BICD1: variants seen among roughly 807,000 people sequenced by gnomAD.
The protein encoded by BICD1 is protein bicaudal D homolog 1.
Under a neutral mutation model 92.5 loss-of-function variants are expected in BICD1, and 35 were observed. The ratio of observed to expected loss-of-function variants is 0.38; its 90% CI spans 0.29 to 0.50. BICD1 has a LOEUF of 0.50. Ranked by LOEUF, BICD1 falls within the 20% of genes least tolerant of loss-of-function variation. The probability of loss-of-function intolerance (pLI) is 0.93; values close to 1 mark genes in which losing one functional copy is unlikely to be tolerated. For missense variants in BICD1, 950 were observed against 1,189.8 expected, an observed-to-expected ratio of 0.80 and a Z score of 2.97; for synonymous variants, 429 against 465.1, an observed-to-expected ratio of 0.92 and a Z score of 1.00.
intron 1 of BICD1, among the ~76,000 whole-genome samples, chr12:32,198,546 C>CTTTTTTTTTTTTTTTTTTTTTTTTTT (rs113075749): frequency 7.4e-6 from 1 of 134,508 alleles, no homozygotes; most frequent in Non-Finnish European, 1.6e-5. Context: ...TATCCCCACT[C>CTTTTTTTTTTTTTTTTTTTTTTTTTT]TTTTTTTTTT....
intron 4 of BICD1, among the ~76,000 whole-genome samples, chr12:32,308,373 A>G (rs1481795683): frequency 6.6e-6 from 1 of 152,216 alleles, no homozygotes; most frequent in Admixed American, 6.5e-5. Flanking sequence ...GTTGACAGTC[A>G]TTCTTAGAGG....
chr12:32,221,454 C>T (rs572838774), intron 2 of BICD1, among the ~76,000 whole-genome samples: 8 of 151,648 alleles, frequency 5.3e-5, no homozygotes, highest in African/African-American at 7.2e-5. Flanking sequence ...GAGGCCGAGG[C>T]GGCTGGATCA....
intron 3 of BICD1, among the ~76,000 whole-genome samples, chr12:32,300,106 AT>A (rs1266258441): frequency 8.9e-4 from 128 of 144,098 alleles, no homozygotes; most frequent in South Asian, 8.8e-4. Context: ...AGGACATACT[AT>A]TTTTTTTTTT....
chr12:32,216,196 G>A (rs762709639), intron 1 of BICD1, 51 bp from the exon 2 acceptor site: 4 of 1,568,466 alleles, frequency 2.6e-6, no homozygotes, highest in African/African-American at 2.7e-5. Flanking sequence ...CTTAAAAGAG[G>A]GTTATGATGC....
At chr12:32,353,169 T>G (rs1938959402) in intron 8 of BICD1, 1 of 152,244 alleles carries the variant, frequency 6.6e-6, no homozygotes, top group Non-Finnish European at 1.5e-5. Context: ...GTAGCTTTGC[T>G]TCAATTAAAT....
intron 1 of BICD1, among the ~76,000 whole-genome samples, chr12:32,116,574 C>T (rs1941924449): frequency 6.6e-6 from 1 of 150,928 alleles, no homozygotes; most frequent in African/African-American, 2.4e-5. Context: ...GACTGAAGTA[C>T]AGTGGTGCGA....
intron 6 of BICD1, 69 bp downstream of exon 6, chr12:32,334,736 C>A: frequency 6.6e-7 from 1 of 1,517,008 alleles, no homozygotes; most frequent in Non-Finnish European, 8.8e-7. Flanking sequence ...CACAGCCCTG[C>A]CTTTGTGCAT....
chr12:32,338,638 T>TA (rs5797471), intron 7 of BICD1, 148 bp from the exon 8 acceptor site: 49,992 of 572,714 alleles, frequency 0.087, 689 homozygotes, highest in African/African-American at 0.16. Flanking sequence ...ATGTGGAAAC[T>TA]AAAAAAAAAA....
chr12:32,108,713 T>A (rs1565518986), intron 1 of BICD1: 3 of 685,504 alleles, frequency 4.4e-6, no homozygotes, highest in Non-Finnish European at 8.0e-6. Context: ...ATGGTAAGCA[T>A]TTATACTTTT....
chr12:32,366,425 G>T (rs1939526773), intron 8 of BICD1, among the ~76,000 whole-genome samples: 1 of 152,196 alleles, frequency 6.6e-6, no homozygotes, highest in Non-Finnish European at 1.5e-5. Context: ...TTCAAGACCA[G>T]CCTGACCAAT....
At chr12:32,320,718 CAAT>C (rs1417303716) in intron 4 of BICD1, among the ~76,000 whole-genome samples, 1 of 152,000 alleles carries the variant, frequency 6.6e-6, no homozygotes, top group Admixed American at 6.6e-5. Context: ...ATAGGAACAA[CAAT>C]GACAATAGTA....
intron 1 of BICD1, among the ~76,000 whole-genome samples, chr12:32,173,758 TCA>T (rs1325928262): frequency 6.6e-6 from 1 of 152,232 alleles, no homozygotes. Context: ...GAAAAAGTAT[TCA>T]GACTTATATA....
intron 1 of BICD1, among the ~76,000 whole-genome samples, chr12:32,174,152 A>G (rs1944028695): frequency 6.7e-6 from 1 of 149,254 alleles, no homozygotes; most frequent in African/African-American, 2.5e-5. Flanking sequence ...TCCCTTCTGT[A>G]CTCTTTCTCT....
At chr12:32,287,645 TCCTG>T (rs1185665429) in intron 2 of BICD1, among the ~76,000 whole-genome samples, 1 of 151,806 alleles carries the variant, frequency 6.6e-6, no homozygotes. Context: ...CACGCCATTC[TCCTG>T]CCTCAGCCTC....
chr12:32,215,041 C>T (rs560451033), intron 1 of BICD1, among the ~76,000 whole-genome samples: 3 of 152,186 alleles, frequency 2.0e-5, no homozygotes, highest in East Asian at 3.9e-4. Flanking sequence ...CCAGCCTGGC[C>T]AACAAGGTGA....
At chr12:32,360,848 G>C (rs1014920194) in intron 8 of BICD1, among the ~76,000 whole-genome samples, 1 of 152,126 alleles carries the variant, frequency 6.6e-6, no homozygotes, top group Admixed American at 6.6e-5. Flanking sequence ...TGATTTAAGA[G>C]AGAAATAAAT....
At chr12:32,275,824 G>A (rs1229571270) in intron 2 of BICD1, among the ~76,000 whole-genome samples, 2 of 152,180 alleles carry the variant, frequency 1.3e-5, no homozygotes, top group African/African-American at 2.4e-5. Context: ...GCCTGGGTTC[G>A]TCCTAATCGA....
At chr12:32,263,309 G>A (rs1413734336) in intron 2 of BICD1, among the ~76,000 whole-genome samples, 1 of 152,140 alleles carries the variant, frequency 6.6e-6, no homozygotes, top group Non-Finnish European at 1.5e-5. Flanking sequence ...AGCACTTTGG[G>A]AGGCCGAGGC....
At chr12:32,346,586 GTATATA>G (rs1209956649) in intron 8 of BICD1, among the ~76,000 whole-genome samples, 892 of 10,198 alleles carry the variant, frequency 0.087, 115 homozygotes, top group African/African-American at 0.14. Flanking sequence ...ATATATACGT[GTATATA>G]TATATATATA....
Sources: gnomAD v4.1 joint callset for allele counts (sites outside exome capture counted in the v4.1 genomes callset) on GRCh38, gnomAD v4.1.1 for gene constraint, MANE v1.5 for transcripts, NCBI Gene and HGNC (gene_info 2026-07-23, HGNC 2026-07-21) for gene names.